Variants in POU6F2 observed in about 807,000 individuals in gnomAD.
The protein encoded by POU6F2 is POU domain, class 6, transcription factor 2.
Under a neutral mutation model 71.3 loss-of-function variants are expected in POU6F2, and 31 were observed. That is an observed-to-expected ratio of 0.43 (90% CI 0.33 to 0.59). The LOEUF (loss-of-function observed/expected upper bound fraction) is 0.59. Among genes scored for constraint, POU6F2 ranks in the 20% least tolerant of loss-of-function variants. POU6F2 has a pLI of 0.04. For missense variants in POU6F2, 783 were observed against 856.8 expected (o/e 0.91, Z 1.07); for synonymous variants, 347 against 355.7 (o/e 0.98, Z 0.27).
Position 39,263,160 on chromosome 7 carries a change from TAAAAA to T in POU6F2, c.598+55541_598+55545del, listed in dbSNP as rs1300093846. On this transcript the variant is annotated intron_variant, in intron 4 of 9. Coordinates refer to ENST00000518318, the MANE Select transcript of POU6F2 (RefSeq NM_001370959.1). The stretch of plus-strand genomic sequence containing the variant: ...AAAATTCAAAAATGTAAAAAAGTAT[TAAAAA>T]GAAAACTAGAAACATCCCTAATTTG... Among the ~76,000 whole-genome samples the T allele has an allele frequency of 2.0e-5, 3 of 152,210 alleles. No homozygotes were observed. In the East Asian group the frequency reaches 5.8e-4, roughly 29 times the overall value.
rs1447332104 is a variant in POU6F2 at position 39,073,555 on chromosome 7, G to A, written c.106-12305G>A. On this transcript the variant is annotated intron_variant, in intron 1 of 9. Coordinates refer to ENST00000518318, the MANE Select transcript of POU6F2 (RefSeq NM_001370959.1). ...CTCAGAAGCCTTTTGAATTGGAGTG[G>A]CATTCAAAGGACAGTCAAGGGTCAC... Among the ~76,000 whole-genome samples, 6 of 152,258 alleles carry A rather than the reference G, an allele frequency of 3.9e-5. No individual in the cohort carries two copies. The East Asian group carries it at 1.2e-3, about 29-fold the overall frequency.
chr7:39,141,862 C>T (rs753735624), intron 2 of POU6F2, among the ~76,000 whole-genome samples: 36 of 152,146 alleles, frequency 2.4e-4, no homozygotes, highest in African/African-American at 7.7e-4. Context: ...CCGAGGTGAG[C>T]GGATCACGAG....
intron 5 of POU6F2, among the ~76,000 whole-genome samples, chr7:39,390,082 G>A (rs1436569855): frequency 2.0e-5 from 3 of 152,230 alleles, no homozygotes; most frequent in South Asian, 2.1e-4. Context: ...CATCAGATAC[G>A]ATCATGCTCA....
chr7:39,045,384 T>C (rs866147233), intron 1 of POU6F2, among the ~76,000 whole-genome samples: 1 of 151,872 alleles, frequency 6.6e-6, no homozygotes, highest in Non-Finnish European at 1.5e-5. Flanking sequence ...CAGCAAGTTA[T>C]AGCTCTTTAT....
chr7:39,313,183 GA>G (rs2128767348), intron 4 of POU6F2, among the ~76,000 whole-genome samples: 1 of 152,026 alleles, frequency 6.6e-6, no homozygotes, highest in East Asian at 1.9e-4. Context: ...ATTCCCTCTT[GA>G]CCCACACTCT....
chr7:39,380,960 A>G (rs1786815633), intron 5 of POU6F2, among the ~76,000 whole-genome samples: 2 of 152,194 alleles, frequency 1.3e-5, no homozygotes, highest in South Asian at 2.1e-4. Flanking sequence ...TCCTTAGATT[A>G]TCTCATCCCC....
Position 39,204,317 on chromosome 7 carries a change from T to A in POU6F2, c.360T>A (p.Val120=). ...GTCAGACCCACCCCCCATTTCCAGT[T>A]GGGCCACAGGTCAGTATCTCTCAAC... ...QASQTHPPFP[V]GPQPLLTAQQ... is the part of the protein sequence containing the mutation. Residue 120 remains valine (V), a synonymous_variant, in exon 3 of 10, where the codon GTT becomes GTA. Transcript: ENST00000518318. 6.2e-7 allele frequency: 1 copy of A among 1,613,302 alleles called. No individual in the cohort carries two copies. The highest frequency in any genetic ancestry group is 1.1e-5 in the South Asian group (1 of 91,002).
At chr7:39,115,829 G>C (rs1161787232) in intron 2 of POU6F2, among the ~76,000 whole-genome samples, 1 of 151,966 alleles carries the variant, frequency 6.6e-6, no homozygotes, top group Non-Finnish European at 1.5e-5. Flanking sequence ...TTAAAGACAT[G>C]CTCTGTTTGT....
At chr7:39,135,257 A>G (rs1792366542) in intron 2 of POU6F2, among the ~76,000 whole-genome samples, 1 of 152,192 alleles carries the variant, frequency 6.6e-6, no homozygotes, top group African/African-American at 2.4e-5. Context: ...TAACTCAAAT[A>G]TTTATCAAGT....
chr7:38,980,783 A>C (rs1001800581), intron 1 of POU6F2, among the ~76,000 whole-genome samples: 3 of 152,126 alleles, frequency 2.0e-5, no homozygotes, highest in African/African-American at 2.4e-5. Context: ...TTCAGTCAGA[A>C]TATTGAAAGA....
At chr7:38,985,498 C>T (rs1234240475) in intron 1 of POU6F2, among the ~76,000 whole-genome samples, 5 of 151,932 alleles carry the variant, frequency 3.3e-5, no homozygotes, top group South Asian at 2.1e-4. Context: ...AATTCCGAAT[C>T]GGGAAACTTA....
intron 2 of POU6F2, among the ~76,000 whole-genome samples, chr7:39,203,036 C>T (rs1793939809): frequency 6.6e-6 from 1 of 152,184 alleles, no homozygotes; most frequent in African/African-American, 2.4e-5. Flanking sequence ...TTATGATTGA[C>T]ACATTGTGGT....
chr7:39,185,917 A>T (rs1159891425), intron 2 of POU6F2, among the ~76,000 whole-genome samples: 1 of 142,800 alleles, frequency 7.0e-6, no homozygotes, highest in African/African-American at 2.5e-5. Context: ...ATGTATATGT[A>T]TATGTATATT....
At chr7:39,221,176 A>T (rs2128748384) in intron 4 of POU6F2, among the ~76,000 whole-genome samples, 1 of 152,164 alleles carries the variant, frequency 6.6e-6, no homozygotes, top group African/African-American at 2.4e-5. Flanking sequence ...TACAAATGGC[A>T]CTGGTTAAAA....
chr7:39,396,621 A>G lies in POU6F2; in HGVS notation c.973-9979A>G, dbSNP rs370128392. 2.7e-4 allele frequency among the ~76,000 whole-genome samples: 41 copies of G among 152,246 alleles called. No homozygotes were observed. In the East Asian group the frequency reaches 6.9e-3, roughly 26 times the overall value. On this transcript the variant is annotated intron_variant, in intron 5 of 9. Coordinates refer to ENST00000518318, the MANE Select transcript of POU6F2 (RefSeq NM_001370959.1). ...AGCCTCACTTTTCACTCTGCATCCA[A>G]TGACCTCCAGGAGCCACAGACCATC...
At chr7:39,114,026 G>A (rs1791876919) in intron 2 of POU6F2, among the ~76,000 whole-genome samples, 1 of 152,010 alleles carries the variant, frequency 6.6e-6, no homozygotes, top group South Asian at 2.1e-4. Context: ...GCTAATTTGG[G>A]GCCCAGCAGG....
intron 8 of POU6F2, among the ~76,000 whole-genome samples, chr7:39,453,904 G>A (rs549825478): frequency 7.9e-5 from 12 of 152,314 alleles, no homozygotes; most frequent in Middle Eastern, 6.8e-3. Context: ...CTCCACAGTT[G>A]TCTCTGCAGG....
intron 6 of POU6F2, among the ~76,000 whole-genome samples, chr7:39,419,065 A>ATATATACACACATATATACGTATATGTG (rs1787772646): frequency 7.4e-6 from 1 of 135,460 alleles, no homozygotes; most frequent in Non-Finnish European, 1.6e-5. Flanking sequence ...ATATATACAC[A>ATATATACACACATATATACGTATATGTG]TATATACACA....
intron 4 of POU6F2, among the ~76,000 whole-genome samples, chr7:39,280,850 C>T (rs993014222): frequency 6.6e-6 from 1 of 152,226 alleles, no homozygotes; most frequent in African/African-American, 2.4e-5. Flanking sequence ...AAGTAATCAT[C>T]AGATCCTATA....
Sources: allele counts gnomAD v4.1 joint callset (sites outside exome capture counted in the v4.1 genomes callset), GRCh38; gene constraint gnomAD v4.1.1; transcripts MANE v1.5; gene names NCBI Gene and HGNC (gene_info 2026-07-23, HGNC 2026-07-21).